The following FAHD1 variants were observed in gnomAD, a reference collection of about 807,000 sequenced individuals.
FAHD1 encodes the protein oxaloacetate tautomerase FAHD1, mitochondrial.
A neutral mutation model predicts 12.7 loss-of-function variants in FAHD1; 14 were observed. The observed-to-expected ratio is 1.10, with a 90% CI of 0.73 to 1.72. The LOEUF (loss-of-function observed/expected upper bound fraction) is 1.72. Ranked by LOEUF, FAHD1 falls within the 40% of genes most tolerant of loss-of-function variation. The probability of loss-of-function intolerance (pLI) is 0.00; values close to 1 mark genes in which losing one functional copy is unlikely to be tolerated. For missense variants in FAHD1, 351 were observed against 298.9 expected (o/e 1.17, Z -1.29); for synonymous variants, 153 against 124.9 (o/e 1.22, Z -1.50).
At chr16:1,830,470 CTA>C (rs1475958783), downstream of FAHD1, among the ~76,000 whole-genome samples, 3 of 152,182 alleles carry the variant, frequency 2.0e-5, no homozygotes, top group Admixed American at 6.5e-5. Context: ...AGTTGACAGA[CTA>C]TTAAAGTCAA....
At chr16:1,839,659 T>C (rs1898848288) in exon 3 of FAHD1, 1 of 466,014 alleles carries the variant, frequency 2.1e-6, no homozygotes, top group Admixed American at 3.9e-5. Flanking sequence ...ACCAGTCCTC[T>C]GCCTGCCCTC....
At chr16:1,839,571 G>T in exon 3 of FAHD1, 1 of 749,306 alleles carries the variant, frequency 1.3e-6, no homozygotes, top group Non-Finnish European at 2.1e-6. Context: ...GTGCTATGCG[G>T]TCTACAAGAC....
At chr16:1,839,510 A>G in exon 3 of FAHD1, 1 of 1,381,022 alleles carries the variant, frequency 7.2e-7, no homozygotes, top group African/African-American at 1.5e-5. Flanking sequence ...CAGAAAAAGA[A>G]TTGTCACTAA....
intron 1 of FAHD1, chr16:1,834,221 T>C: frequency 8.6e-7 from 1 of 1,160,794 alleles, no homozygotes. Context: ...GTTAAAACTC[T>C]TATACTTTTC....
chr16:1,830,944 A>ACACACACACC (rs57025691), downstream of FAHD1, among the ~76,000 whole-genome samples: 2,277 of 147,254 alleles, frequency 0.015, 25 homozygotes, highest in Non-Finnish European at 0.019. Flanking sequence ...ACACACACAC[A>ACACACACACC]CCCATATTTT....
At chr16:1,830,903 C>CCT (rs199581179), downstream of FAHD1, among the ~76,000 whole-genome samples, 4 of 127,204 alleles carry the variant, frequency 3.1e-5, no homozygotes, top group Non-Finnish European at 6.6e-5. Context: ...CAGACATGCA[C>CCT]CTCTCTCTCT....
chr16:1,827,529 C>T (rs912453163), exon 1 of FAHD1: 1 of 1,613,100 alleles, frequency 6.2e-7, no homozygotes, highest in Non-Finnish European at 8.5e-7. Context: ...ATGCCCTGTG[C>T]CTGGATATGA....
intron 1 of FAHD1, chr16:1,837,847 T>G (rs1898790758): frequency 6.5e-7 from 1 of 1,535,166 alleles, no homozygotes; most frequent in Admixed American, 2.1e-5. Flanking sequence ...TCTGTTCATC[T>G]GTCATTGCAA....
intron 1 of FAHD1, chr16:1,833,976 T>C (rs1180300007): frequency 7.5e-6 from 2 of 266,206 alleles, no homozygotes; most frequent in African/African-American, 4.4e-5. Context: ...AAATAAATCA[T>C]TCAAATCTGT....
At chr16:1,835,447 CATTTT>C (rs1228958211) in intron 1 of FAHD1, among the ~76,000 whole-genome samples, 2 of 151,994 alleles carry the variant, frequency 1.3e-5, no homozygotes, top group Non-Finnish European at 2.9e-5. Context: ...CTTTAACCAA[CATTTT>C]ATTTAATATA....
chr16:1,827,548 G>A, exon 1 of FAHD1: 1 of 1,613,328 alleles, frequency 6.2e-7, no homozygotes. Flanking sequence ...GACCGCCCGG[G>A]ACGTGCAGGA....
downstream of FAHD1, among the ~76,000 whole-genome samples, chr16:1,832,846 G>A (rs1898648554): frequency 6.6e-6 from 1 of 152,026 alleles, no homozygotes; most frequent in Non-Finnish European, 1.5e-5. Context: ...AGGATGGAAG[G>A]CCTGTTCTGC....
downstream of FAHD1, among the ~76,000 whole-genome samples, chr16:1,833,285 GAAC>G (rs1898655538): frequency 6.6e-6 from 1 of 152,146 alleles, no homozygotes; most frequent in Non-Finnish European, 1.5e-5. Context: ...GCATGCTCAT[GAAC>G]CTTTTGAAGT....
intron 1 of FAHD1, among the ~76,000 whole-genome samples, chr16:1,836,951 A>G (rs1898763670): frequency 6.6e-6 from 1 of 152,172 alleles, no homozygotes; most frequent in Non-Finnish European, 1.5e-5. Context: ...TACAAGAGAA[A>G]AGAGTTGAGA....
chr16:1,831,801 T>C (rs1898625182), downstream of FAHD1, among the ~76,000 whole-genome samples: 1 of 152,108 alleles, frequency 6.6e-6, no homozygotes, highest in South Asian at 2.1e-4. Context: ...CGTGAACCCT[T>C]TTGTAAACTG....
At chr16:1,828,287 A>AG (rs936619857) in exon 1 of FAHD1, 68 of 1,003,126 alleles carry the variant, frequency 6.8e-5, no homozygotes, top group Non-Finnish European at 7.8e-5. Context: ...AAAAAAAAAA[A>AG]AAAAAAGAAA....
At chr16:1,831,788 G>A (rs997520005), downstream of FAHD1, among the ~76,000 whole-genome samples, 2 of 152,138 alleles carry the variant, frequency 1.3e-5, no homozygotes, top group African/African-American at 2.4e-5. Flanking sequence ...ATTCTCACAG[G>A]AGCGTGAACC....
downstream of FAHD1, chr16:1,828,988 A>C: frequency 1.1e-6 from 1 of 916,114 alleles, no homozygotes; most frequent in South Asian, 5.1e-5. Flanking sequence ...TTCAGACCTT[A>C]GTCTTTGACC....
exon 3 of FAHD1, chr16:1,839,544 AACTT>A (rs1200413212): frequency 1.9e-6 from 2 of 1,049,786 alleles, no homozygotes; most frequent in African/African-American, 1.6e-5. Flanking sequence ...GTGTGTGGAA[AACTT>A]ACTGAGTGTT....
Sources: allele counts gnomAD v4.1 joint callset (sites outside exome capture counted in the v4.1 genomes callset), GRCh38; gene constraint gnomAD v4.1.1; transcripts MANE v1.5; gene names NCBI Gene and HGNC (gene_info 2026-07-23, HGNC 2026-07-21).